The following GPR39 variants were observed in gnomAD, a reference collection of about 807,000 sequenced individuals.
GPR39 encodes the protein zinc sensing receptor.
GPR39 carries 23 observed loss-of-function variants against 18.4 expected under a neutral mutation model. That is an observed-to-expected ratio of 1.25 (90% CI 0.90 to 1.77). The LOEUF (loss-of-function observed/expected upper bound fraction) is 1.77. GPR39 is among the 40% of genes most tolerant of loss of function. GPR39 has a pLI of 0.00. For synonymous variants in GPR39, 280 were observed against 257.9 expected, an observed-to-expected ratio of 1.09 and a Z score of -0.82; for missense variants, 647 against 602.4, an observed-to-expected ratio of 1.07 and a Z score of -0.78.
intron 1 of GPR39, among the ~76,000 whole-genome samples, chr2:132,517,307 TGGG>T (rs1679352123): frequency 1.3e-5 from 2 of 151,998 alleles, no homozygotes; most frequent in Admixed American, 1.3e-4. Context: ...GGAGGTTAGT[TGGG>T]GGAAGGAAAG....
intron 1 of GPR39, among the ~76,000 whole-genome samples, chr2:132,536,293 A>G (rs1679756684): frequency 6.6e-6 from 1 of 152,202 alleles, no homozygotes; most frequent in South Asian, 2.1e-4. Flanking sequence ...CTGGTTTCAA[A>G]TAACTTGATT....
intron 1 of GPR39, among the ~76,000 whole-genome samples, chr2:132,427,140 ATATATATATATATATATATATATATG>A (rs1680137454): frequency 1.3e-5 from 1 of 79,320 alleles, no homozygotes; most frequent in African/African-American, 7.0e-5. Flanking sequence ...ACATATATAT[ATATATATATATATATATATATATATG>A]AAATTTTTTT....
intron 1 of GPR39, among the ~76,000 whole-genome samples, chr2:132,623,086 TG>T (rs1331069223): frequency 1.3e-5 from 2 of 152,174 alleles, no homozygotes; most frequent in East Asian, 3.9e-4. Context: ...CACTCCAGCC[TG>T]GGTGACAAAG....
intron 1 of GPR39, among the ~76,000 whole-genome samples, chr2:132,585,581 C>G (rs973964974): frequency 2.6e-5 from 4 of 152,222 alleles, no homozygotes; most frequent in Non-Finnish European, 5.9e-5. Flanking sequence ...GACTTCGAAC[C>G]GCCGGCGCGG....
At chr2:132,463,812 T>C (rs545375785) in intron 1 of GPR39, among the ~76,000 whole-genome samples, 2 of 152,370 alleles carry the variant, frequency 1.3e-5, no homozygotes, top group Admixed American at 6.5e-5. Context: ...CTGGTTTTGC[T>C]TGGGCTCACT....
At chr2:132,493,365 C>T (rs1681553532) in intron 1 of GPR39, among the ~76,000 whole-genome samples, 1 of 143,798 alleles carries the variant, frequency 7.0e-6, no homozygotes, top group Non-Finnish European at 1.5e-5. Flanking sequence ...CACATATATA[C>T]ACTATATATA....
At chr2:132,519,805 C>T (rs1679391610) in intron 1 of GPR39, among the ~76,000 whole-genome samples, 3 of 152,208 alleles carry the variant, frequency 2.0e-5, no homozygotes, top group Admixed American at 1.3e-4. Context: ...TATTTCCACC[C>T]TCTTTCCTCT....
chr2:132,451,336 C>T (rs1162087320), intron 1 of GPR39, among the ~76,000 whole-genome samples: 1 of 152,118 alleles, frequency 6.6e-6, no homozygotes, highest in Non-Finnish European at 1.5e-5. Context: ...TTATGTTGTA[C>T]AGTTATTTGT....
intron 1 of GPR39, among the ~76,000 whole-genome samples, chr2:132,483,652 T>C (rs1681277588): frequency 6.6e-6 from 1 of 152,216 alleles, no homozygotes; most frequent in African/African-American, 2.4e-5. Flanking sequence ...GGAGTTGTTT[T>C]AGTCCAGGAC....
At chr2:132,565,396 CTTT>C (rs67095358) in intron 1 of GPR39, among the ~76,000 whole-genome samples, 13 of 138,008 alleles carry the variant, frequency 9.4e-5, no homozygotes, top group Admixed American at 3.6e-4. Context: ...GATGAGTTTC[CTTT>C]TTTTTTTTTT....
intron 1 of GPR39, among the ~76,000 whole-genome samples, chr2:132,612,666 T>C (rs1320883719): frequency 3.3e-5 from 5 of 152,230 alleles, no homozygotes; most frequent in Non-Finnish European, 7.3e-5. Context: ...TACAGATATA[T>C]TTCTAGATCC....
At chr2:132,480,199 C>T (rs138638413) in intron 1 of GPR39, among the ~76,000 whole-genome samples, 1 of 152,074 alleles carries the variant, frequency 6.6e-6, no homozygotes, top group African/African-American at 2.4e-5. Context: ...TATGAGGTAT[C>T]TAAAGTTGAA....
At chr2:132,494,265 C>T (rs987080336) in intron 1 of GPR39, among the ~76,000 whole-genome samples, 1 of 152,184 alleles carries the variant, frequency 6.6e-6, no homozygotes, top group Admixed American at 6.5e-5. Context: ...CCTCCACATC[C>T]TCCTGAGAAA....
intron 1 of GPR39, among the ~76,000 whole-genome samples, chr2:132,433,511 A>G (rs1680259350): frequency 6.6e-6 from 1 of 151,940 alleles, no homozygotes; most frequent in Admixed American, 6.6e-5. Context: ...ACCTTGACTA[A>G]CATCATGGGA....
intron 1 of GPR39, among the ~76,000 whole-genome samples, chr2:132,621,966 GGATATGCATAGA>G (rs2104860596): frequency 6.6e-6 from 1 of 152,268 alleles, no homozygotes; most frequent in Admixed American, 6.5e-5. Flanking sequence ...GCGATGAGAG[GGATATGCATAGA>G]GATGGCCACC....
At chr2:132,579,390 G>A (rs1231051653) in intron 1 of GPR39, among the ~76,000 whole-genome samples, 3 of 152,024 alleles carry the variant, frequency 2.0e-5, no homozygotes, top group Non-Finnish European at 4.4e-5. Context: ...ACTGTTCTTG[G>A]TATACGTTCT....
chr2:132,594,940 A>C (rs1199920370), intron 1 of GPR39, among the ~76,000 whole-genome samples: 1 of 152,186 alleles, frequency 6.6e-6, no homozygotes, highest in Non-Finnish European at 1.5e-5. Context: ...GTGTGGCTAT[A>C]ATGAAGGCTA....
chr2:132,585,356 A>G (rs1438833559), intron 1 of GPR39, among the ~76,000 whole-genome samples: 1 of 151,918 alleles, frequency 6.6e-6, no homozygotes, highest in African/African-American at 2.4e-5. Context: ...GTCCTTGGAG[A>G]AGAGTCACCT....
intron 1 of GPR39, among the ~76,000 whole-genome samples, chr2:132,520,890 A>G (rs372552784): frequency 1.3e-5 from 2 of 152,338 alleles, no homozygotes; most frequent in African/African-American, 4.8e-5. Flanking sequence ...AATGCAGAGG[A>G]AGGGGTCAGA....
Sources: gnomAD v4.1 joint callset for allele counts (sites outside exome capture counted in the v4.1 genomes callset) on GRCh38, gnomAD v4.1.1 for gene constraint, MANE v1.5 for transcripts, NCBI Gene and HGNC (gene_info 2026-07-23, HGNC 2026-07-21) for gene names.